LILRA5: variants seen among roughly 807,000 people sequenced by gnomAD.
LILRA5 encodes leukocyte immunoglobulin like receptor A5, also known as leukocyte immunoglobulin-like receptor subfamily A member 5.
Under a neutral mutation model 36.3 loss-of-function variants are expected in LILRA5, and 31 were observed. The observed-to-expected ratio is 0.85, with a 90% CI of 0.64 to 1.15. The LOEUF (loss-of-function observed/expected upper bound fraction) is 1.15, where lower values mean the gene tolerates loss of function less well. LILRA5 is among the 50% of genes most tolerant of loss of function. LILRA5 has a pLI of 0.00. For synonymous variants in LILRA5, 144 were observed against 144.8 expected (o/e 0.99, Z 0.04); for missense variants, 348 against 377.4 (o/e 0.92, Z 0.64).
rs767073972 is a variant in LILRA5, at chr19:54,312,165, G to A, written c.125-17C>T. The A allele has an allele frequency of 1.9e-6, 3 of 1,612,868 alleles. No individual in the cohort carries two copies. Among genetic ancestry groups the A allele is most frequent in the Non-Finnish European group, 2.5e-6 (3 of 1,179,370 alleles). ...AGAGGTTCCCTGGAAGGAAATCAGAGTCTGGGCTCCAAGACCTCCCCACCC... is the reference window on the plus strand; with the variant it reads ...AGAGGTTCCCTGGAAGGAAATCAGAATCTGGGCTCCAAGACCTCCCCACCC... On this transcript the variant is annotated splice_polypyrimidine_tract_variant and intron_variant, in intron 3 of 6. Transcript: ENST00000432233.
rs141093678 is a variant in LILRA5, at chr19:54,312,129, G to T, written c.144C>A (p.Thr48=). Residue 48 remains threonine, a synonymous_variant, in exon 4 of 7, where the codon ACC becomes ACA. Coordinates refer to ENST00000432233, the MANE Select transcript of LILRA5 (RefSeq NM_021250.4). The part of the protein sequence containing the change: ...HVQAGNLSKA[T]LWAEPGSVIS... ...TCACAGAGCCTGGCTCAGCCCAGAG[G>T]GTGGCTTTGGAGAGGTTCCCTGGAA... The T allele has an allele frequency of 6.2e-7, 1 of 1,613,998 alleles. No individual in the cohort carries two copies. Among genetic ancestry groups the T allele is most frequent in the South Asian group, 1.1e-5 (1 of 91,078 alleles).
intron 5 of LILRA5, chr19:54,310,718 G>T: frequency 3.0e-6 from 1 of 330,400 alleles, no homozygotes; most frequent in South Asian, 2.4e-5. Context: ...GCCCAGCCTG[G>T]GGCTGCCGGC....
In LILRA5 at chr19:54,311,877, C is replaced by T. The variant is rs1225902008; in HGVS notation, c.396G>A (p.Glu132=). The change falls in exon 4 of 7, where the codon GAG becomes GAA. Residue 132 remains glutamate (E), a synonymous_variant. Transcript: ENST00000432233. Reference sequence around the variant, plus strand: ...GTGTCCTCTCACCTGTCACCACCAGCTCCAGGGGGTCGCTGGGCTCTGACC... The same window carrying T: ...GTGTCCTCTCACCTGTCACCACCAGTTCCAGGGGGTCGCTGGGCTCTGACC... The part of the protein sequence containing the change: ...AGWSEPSDPL[E]LVVTGFYNKP... 1.2e-6 allele frequency: 2 copies of T among 1,614,202 alleles called. No individual in the cohort carries two copies. Among genetic ancestry groups the T allele is most frequent in the East Asian group, 4.5e-5 (2 of 44,872 alleles).
At position 54,313,101 on chromosome 19, in the gene LILRA5, C is replaced by T; in HGVS notation, c.-82G>A. ...AGGCAGACTCAGATCAGCAGAGACA[C>T]ATCTGACACCTGGCTGTGTAGCCCA... On this transcript the variant is annotated 5_prime_UTR_variant, in exon 1 of 7. In the 5' UTR this introduces an upstream ATG that the reference lacks. Transcript: ENST00000432233. 1 of 1,470,508 alleles carries T rather than the reference C, an allele frequency of 6.8e-7. No individual in the cohort carries two copies. Among genetic ancestry groups the T allele is most frequent in the Non-Finnish European group, 9.5e-7 (1 of 1,052,872 alleles). 91.1% of individuals were successfully genotyped at this position (1,470,508 alleles called of 1,614,324 possible).
chr19:54,312,766 T>TA (rs767279617), intron 1 of LILRA5, 145 bp from the exon 2 acceptor site: 156 of 854,282 alleles, frequency 1.8e-4, no homozygotes, highest in Middle Eastern at 1.3e-3. Context: ...TGAAGTGAAG[T>TA]AGTTGAGACT....
At chr19:54,308,363 ATATATATATATATATATATATATATATAT>A (rs2080932136) in intron 5 of LILRA5, 1 of 15,900 alleles carries the variant, frequency 6.3e-5, no homozygotes, top group Non-Finnish European at 1.1e-4. Flanking sequence ...AAATATATAT[ATATATATATATATATATATATATATATAT>A]ATATATATAT....
rs1453899758 is a variant in LILRA5, at chr19:54,311,459, G to T, written c.667C>A (p.Gln223Lys). ...RCYGSRRHIL[Q>K]VWSEPSDLLE... The stretch of plus-strand genomic sequence containing the variant: ...AGGTCACTGGGTTCTGACCATACCT[G>T]CAGGATATGCCTGCGAGAGCCATAG... Residue 223 changes from glutamine to lysine, a missense_variant, in exon 5 of 7, where the codon CAG becomes AAG. Physicochemically the swap from Gln to Lys is moderately conservative, Grantham distance 53 (BLOSUM62 1). Transcript: ENST00000432233. 1.9e-6 allele frequency: 3 copies of T among 1,614,172 alleles called. No individual in the cohort carries two copies. The highest frequency in any genetic ancestry group is 1.6e-4 in the Middle Eastern group (1 of 6,062).
Position 54,307,473 on chromosome 19 carries a change from C to T in LILRA5, c.840G>A (p.Gly280=), listed in dbSNP as rs751080034. 1.9e-6 allele frequency: 3 copies of T among 1,613,940 alleles called. No individual in the cohort carries two copies. The Admixed American group carries it at 5.0e-5, about 27-fold the overall frequency. The part of the protein sequence containing the change: ...GMAGLILVVL[G]ILIFQDWHSQ... ...TGTGCCAATCCTGAAATATCAGAAT[C>T]CCAAGGACCACCAGGATCAAGCCGG... Residue 280 remains glycine, a synonymous_variant, in exon 7 of 7, where the codon GGG becomes GGA. Coordinates refer to ENST00000432233, the MANE Select transcript of LILRA5 (RefSeq NM_021250.4).
chr19:54,312,976 C>G (rs745439079), intron 1 of LILRA5, 41 bp downstream of exon 1: 1 of 1,614,112 alleles, frequency 6.2e-7, no homozygotes, highest in Non-Finnish European at 8.5e-7. Flanking sequence ...CTCCCTCCCT[C>G]CTTCAGCCCG....
At chr19:54,311,814 C>A in intron 4 of LILRA5, 50 bp downstream of exon 4, 1 of 1,613,588 alleles carries the variant, frequency 6.2e-7, no homozygotes, top group African/African-American at 1.3e-5. Context: ...AGAGCCGACC[C>A]CCTTCCTGAG....
intron 5 of LILRA5, chr19:54,309,993 TG>T: frequency 6.5e-6 from 2 of 307,188 alleles, no homozygotes; most frequent in Non-Finnish European, 6.4e-6. Context: ...TACCCACAGC[TG>T]GGGCGCTTCT....
intron 5 of LILRA5, chr19:54,309,044 A>T (rs1601178700): frequency 6.6e-6 from 1 of 152,332 alleles, no homozygotes; most frequent in South Asian, 2.1e-4. Context: ...TATAAATTTT[A>T]TCAGTAAATT....
At chr19:54,308,456 T>C (rs941451488) in intron 5 of LILRA5, 58 of 143,164 alleles carry the variant, frequency 4.1e-4, no homozygotes, top group African/African-American at 1.0e-3. Context: ...GGGCCAGGCG[T>C]GGTGGCTCAT....
At position 54,307,737 on chromosome 19, in the gene LILRA5, T is replaced by C; in HGVS notation, c.724A>G (p.Asn242Asp). 1 of 1,614,070 alleles carries C rather than the reference T, an allele frequency of 6.2e-7. No individual in the cohort carries two copies. The highest frequency in any genetic ancestry group is 8.5e-7 in the Non-Finnish European group (1 of 1,179,988). ...LEIPVSGAAD[N>D]LSPSQNKSDS... ...GACTTGTTTTGTGACGGACTGAGGTTATCAGCTGCTCCTGAAAATCAAAAC... is the reference window on the plus strand; with the variant it reads ...GACTTGTTTTGTGACGGACTGAGGTCATCAGCTGCTCCTGAAAATCAAAAC... The change falls in exon 6 of 7, where the codon AAC (asparagine) becomes GAC (aspartate). Residue 242 changes from asparagine (N) to aspartate (D), a missense_variant. Coordinates refer to ENST00000432233, the MANE Select transcript of LILRA5 (RefSeq NM_021250.4).
Position 54,308,356 on chromosome 19 carries a change from TATATATATATATATATATATATATATATA to T in LILRA5, c.713-637_713-609del, listed in dbSNP as rs2080931242. The T allele has an allele frequency of 7.8e-4, 2 of 2,558 alleles. 1 individual carries two copies. Among genetic ancestry groups the T allele is most frequent in the East Asian group, 0.012 (2 of 166 alleles). 0.2% of individuals were successfully genotyped at this position (2,558 alleles called of 1,614,324 possible). On this transcript the variant is annotated intron_variant, in intron 5 of 6. Transcript: ENST00000432233. The stretch of plus-strand genomic sequence containing the variant: ...GTGTGTATATATATGTATATATAAA[TATATATATATATATATATATATATATATA>T]TATATATATATATATATATATATGG...
intron 5 of LILRA5, chr19:54,308,467 G>A (rs2080943234): frequency 6.8e-6 from 1 of 146,844 alleles, no homozygotes; most frequent in East Asian, 2.1e-4. Flanking sequence ...GGTGGCTCAT[G>A]CCTGTAATCC....
chr19:54,308,738 A>C (rs1357872932), intron 5 of LILRA5: 1 of 151,996 alleles, frequency 6.6e-6, no homozygotes, highest in African/African-American at 2.4e-5. Context: ...CAAACAAACA[A>C]ACAAAAATTT....
chr19:54,307,573 C>T, intron 6 of LILRA5, 24 bp from the exon 7 acceptor site: 1 of 1,613,834 alleles, frequency 6.2e-7, no homozygotes, highest in Non-Finnish European at 8.5e-7. Context: ...ACAAAGAGGT[C>T]ACAGAGGTCA....
At position 54,312,077 on chromosome 19, in the gene LILRA5, G is replaced by A. The variant is rs773544249; in HGVS notation, c.196C>T (p.Arg66Trp). 121 of 1,614,006 alleles carry A rather than the reference G, an allele frequency of 7.5e-5. 1 individual carries two copies. The highest frequency in any genetic ancestry group is 6.6e-4 in the South Asian group (60 of 91,092). Residue 66 changes from arginine to tryptophan, a missense_variant, in exon 4 of 7, where the codon CGG becomes TGG. By Grantham distance (101) the Arg-to-Trp change is moderately radical. Coordinates refer to ENST00000432233, the MANE Select transcript of LILRA5 (RefSeq NM_021250.4). ...TGGGCCTCCAGGGTCCCCTGACACC[G>A]GATGGTCACAGAGTTCCCCCGGCTG... ...VISRGNSVTI[R>W]CQGTLEAQEY...
Sources: gnomAD v4.1 joint callset for allele counts on GRCh38, gnomAD v4.1.1 for gene constraint, MANE v1.5 for transcripts, NCBI Gene and HGNC (gene_info 2026-07-23, HGNC 2026-07-21) for gene names.